CPEB3: variants seen among roughly 807,000 people sequenced by gnomAD.
CPEB3 encodes cytoplasmic polyadenylation element-binding protein 3.
CPEB3 carries 20 observed loss-of-function variants against 67.2 expected under a neutral mutation model. That is an observed-to-expected ratio of 0.30 (90% CI 0.21 to 0.43). CPEB3 has a LOEUF of 0.43. Among genes scored for constraint, CPEB3 ranks in the 20% least tolerant of loss-of-function variants. CPEB3 has a pLI of 1.00. For synonymous variants in CPEB3, 376 were observed against 393.1 expected (o/e 0.96, Z 0.51); for missense variants, 746 against 968.6 (o/e 0.77, Z 3.05).
chr10:92,216,640 G>T (rs1850415892), intron 2 of CPEB3: 1 of 1,607,764 alleles, frequency 6.2e-7, no homozygotes, highest in African/African-American at 1.3e-5. Context: ...ACCGAAATCT[G>T]CCCTATGTCT....
At chr10:92,119,090 C>T in intron 6 of CPEB3, 1 of 1,583,898 alleles carries the variant, frequency 6.3e-7, no homozygotes, top group South Asian at 1.1e-5. Flanking sequence ...CCTGAAGATT[C>T]CCCAGCTATA....
At chr10:92,106,902 C>CATA (rs915026067) in intron 7 of CPEB3, among the ~76,000 whole-genome samples, 8 of 146,294 alleles carry the variant, frequency 5.5e-5, no homozygotes, top group African/African-American at 2.0e-4. Flanking sequence ...AAGATGAGAG[C>CATA]ATAGATATTT....
At chr10:92,262,777 T>TAAC (rs1292860380) in intron 1 of CPEB3, among the ~76,000 whole-genome samples, 1 of 152,212 alleles carries the variant, frequency 6.6e-6, no homozygotes, top group Non-Finnish European at 1.5e-5. Context: ...GAGATAATAT[T>TAAC]AACAGCTGCC....
Position 92,229,782 on chromosome 10 carries a change from C to T in CPEB3, c.1005+9564G>A, listed in dbSNP as rs182157672. Among the ~76,000 whole-genome samples, 178 of 152,366 alleles carry T rather than the reference C, an allele frequency of 1.2e-3. 4 individuals are homozygous for T. The highest frequency in any genetic ancestry group is 2.2e-3 in the Non-Finnish European group (150 of 68,044). Reference sequence around the variant, plus strand: ...AGAACGGGCCAGGCGCAGTGGCTTACGCCTATAATCCCAACACTTTGGGAG... The same window carrying T: ...AGAACGGGCCAGGCGCAGTGGCTTATGCCTATAATCCCAACACTTTGGGAG... On this transcript the variant is annotated intron_variant, in intron 2 of 9. Coordinates refer to ENST00000265997, the MANE Select transcript of CPEB3 (RefSeq NM_014912.5).
At chr10:92,261,445 T>C (rs182966290) in intron 1 of CPEB3, among the ~76,000 whole-genome samples, 5 of 152,126 alleles carry the variant, frequency 3.3e-5, no homozygotes. Context: ...TTCTGTTTTG[T>C]TTTGTTTTGT....
intron 7 of CPEB3, among the ~76,000 whole-genome samples, chr10:92,100,288 T>G (rs895996109): frequency 3.9e-5 from 6 of 152,206 alleles, no homozygotes; most frequent in South Asian, 2.1e-4. Context: ...TTGTTTGTTT[T>G]TTGAGACAGA....
Position 92,239,918 on chromosome 10 carries a change from G to C in CPEB3, c.433C>G (p.Pro145Ala). 6.2e-7 allele frequency: 1 copy of C among 1,613,318 alleles called. No homozygotes were observed. Among genetic ancestry groups the C allele is most frequent in the Non-Finnish European group, 8.5e-7 (1 of 1,179,640 alleles). Residue 145 changes from proline (P) to alanine (A), a missense_variant, in exon 2 of 10, where the codon CCA becomes GCA. Coordinates refer to ENST00000265997, the MANE Select transcript of CPEB3 (RefSeq NM_014912.5). The surrounding 1 kb of genome is among the most constrained non-coding windows in gnomAD (Gnocchi z 6.0). ...GGGGAGAAAGTGCCTCCGAAGACTG[G>C]GTTGACATGGTGCGGGAAGTTCTGG... is the stretch of plus-strand genomic sequence containing the variant. The part of the protein sequence containing the change: ...LFQNFPHHVN[P>A]VFGGTFSPQI...
intron 9 of CPEB3, among the ~76,000 whole-genome samples, chr10:92,069,347 T>A (rs1208350414): frequency 6.6e-6 from 1 of 152,164 alleles, no homozygotes; most frequent in African/African-American, 2.4e-5. Flanking sequence ...GGTCATTAAA[T>A]AAAAAATTGA....
intron 1 of CPEB3, among the ~76,000 whole-genome samples, chr10:92,289,335 C>G (rs1842688172): frequency 6.6e-6 from 1 of 151,902 alleles, no homozygotes; most frequent in Non-Finnish European, 1.5e-5. Context: ...GTCAGAAGTT[C>G]GAGACCAGCC....
At chr10:92,218,571 T>C (rs1452149610) in intron 2 of CPEB3, among the ~76,000 whole-genome samples, 1 of 152,210 alleles carries the variant, frequency 6.6e-6, no homozygotes, top group African/African-American at 2.4e-5. Context: ...CCTAGGTATA[T>C]AAAAAATTGA....
intron 7 of CPEB3, among the ~76,000 whole-genome samples, chr10:92,107,444 A>C (rs1425879313): frequency 6.6e-6 from 1 of 152,154 alleles, no homozygotes; most frequent in African/African-American, 2.4e-5. Context: ...ATGTTCTAGA[A>C]CCTTAAATAG....
intron 4 of CPEB3, among the ~76,000 whole-genome samples, chr10:92,149,222 C>T (rs755567499): frequency 7.2e-5 from 11 of 152,102 alleles, no homozygotes; most frequent in East Asian, 3.9e-4. Context: ...TTATTTTGAA[C>T]GACACTAACT....
At chr10:92,091,752 G>GAAA in intron 8 of CPEB3, 78 bp downstream of exon 8, 3 of 852,514 alleles carry the variant, frequency 3.5e-6, no homozygotes, top group Non-Finnish European at 3.7e-6. Context: ...TGGAAACCTA[G>GAAA]AAAATATTTA....
chr10:92,169,481 T>C lies in CPEB3; in HGVS notation c.1222+11482A>G, dbSNP rs1289136902. 7.9e-5 allele frequency among the ~76,000 whole-genome samples: 12 copies of C among 152,310 alleles called. No individual in the cohort carries two copies. In the East Asian group the frequency reaches 1.9e-3, roughly 25 times the overall value. On this transcript the variant is annotated intron_variant, in intron 4 of 9. Coordinates refer to ENST00000265997, the MANE Select transcript of CPEB3 (RefSeq NM_014912.5). ...GCAGTGTGAGAATGGGTGAATACAG[T>C]AGCAGAGCCTTCTCTCCCCCAGTAA...
At chr10:92,168,407 A>G (rs1278003096) in intron 4 of CPEB3, among the ~76,000 whole-genome samples, 1 of 152,204 alleles carries the variant, frequency 6.6e-6, no homozygotes, top group African/African-American at 2.4e-5. Context: ...AAAAGAATAA[A>G]GAGGCTTGCT....
chr10:92,287,214 C>T (rs572117626), intron 1 of CPEB3, among the ~76,000 whole-genome samples: 31 of 151,908 alleles, frequency 2.0e-4, no homozygotes, highest in African/African-American at 7.2e-4. Flanking sequence ...TTGCAACCTC[C>T]GCCTCCCAGG....
In CPEB3 at chr10:92,240,105, A is replaced by G. The variant is rs1590499688; in HGVS notation, c.246T>C (p.Ser82=). 1.3e-6 allele frequency: 2 copies of G among 1,578,494 alleles called. No individual in the cohort carries two copies. Among genetic ancestry groups the G allele is most frequent in the African/African-American group, 1.3e-5 (1 of 74,166 alleles). Residue 82 remains serine (S), a synonymous_variant, in exon 2 of 10, where the codon AGT becomes AGC. Coordinates refer to ENST00000265997, the MANE Select transcript of CPEB3 (RefSeq NM_014912.5). ...GCGGCTGCTGAGGAGGCTGATGGAA[A>G]CTCAAGCCTGGCAGGAGCGGTGATT... ...QMESPLLPGL[S]FHQPPQQPPP...
chr10:92,257,625 C>G (rs529716307), intron 1 of CPEB3, among the ~76,000 whole-genome samples: 2 of 152,046 alleles, frequency 1.3e-5, no homozygotes, highest in African/African-American at 4.8e-5. Flanking sequence ...GCAGTGTATA[C>G]TTCCACTAGA....
At chr10:92,172,143 T>A (rs1590299016) in intron 4 of CPEB3, among the ~76,000 whole-genome samples, 1 of 151,992 alleles carries the variant, frequency 6.6e-6, no homozygotes, top group Admixed American at 6.6e-5. Context: ...AAAAAAATTT[T>A]AAAAATAAAA....
Sources: gnomAD v4.1 joint callset for allele counts (sites outside exome capture counted in the v4.1 genomes callset) on GRCh38, gnomAD v4.1.1 for gene constraint, Gnocchi (gnomAD v3.1) non-coding constraint, MANE v1.5 for transcripts, NCBI Gene and HGNC (gene_info 2026-07-23, HGNC 2026-07-21) for gene names.